OR9Q1: variants seen among roughly 807,000 people sequenced by gnomAD.
The protein encoded by OR9Q1 is olfactory receptor family 9 subfamily Q member 1.
For synonymous variants in OR9Q1, 153 were observed against 148.6 expected (o/e 1.03, Z -0.22); for missense variants, 374 against 378.8 (o/e 0.99, Z 0.11).
chr11:58,119,787 C>T (rs1302554693), intron 2 of OR9Q1, among the ~76,000 whole-genome samples: 2 of 151,880 alleles, frequency 1.3e-5, no homozygotes, highest in Middle Eastern at 6.8e-3. Context: ...TACCATATAC[C>T]CACCACACGG....
chr11:58,071,216 G>A (rs751320090), intron 2 of OR9Q1, among the ~76,000 whole-genome samples: 4 of 152,198 alleles, frequency 2.6e-5, no homozygotes, highest in Admixed American at 6.5e-5. Flanking sequence ...GGCTGGGCCT[G>A]TTGGCTCACG....
At chr11:58,094,559 A>T (rs1853713346) in intron 2 of OR9Q1, among the ~76,000 whole-genome samples, 1 of 152,168 alleles carries the variant, frequency 6.6e-6, no homozygotes, top group South Asian at 2.1e-4. Context: ...TGAACTTTCA[A>T]CCACTTTACT....
intron 2 of OR9Q1, among the ~76,000 whole-genome samples, chr11:58,138,871 C>T (rs888091707): frequency 6.6e-6 from 1 of 152,086 alleles, no homozygotes; most frequent in African/African-American, 2.4e-5. Flanking sequence ...GAACTTATTC[C>T]TCCTAAGTGA....
At chr11:58,163,169 C>T (rs776841298) in intron 2 of OR9Q1, among the ~76,000 whole-genome samples, 3 of 152,142 alleles carry the variant, frequency 2.0e-5, no homozygotes, top group Non-Finnish European at 2.9e-5. Context: ...AGGTTCAGCT[C>T]AAATGCCACT....
rs1854637447 is a variant in OR9Q1 at position 58,179,423 on chromosome 11, T to C, written c.-14-8T>C. ...TTCCTAACTTGCTTCCCATTCTACA[T>C]GTCTCAGGGACCACTGGTGTCATGG... On this transcript the variant is annotated splice_region_variant and splice_polypyrimidine_tract_variant and intron_variant, in intron 2 of 2. Transcript: ENST00000335397. 1 of 1,496,650 alleles carries C rather than the reference T, an allele frequency of 6.7e-7. No individual in the cohort carries two copies. Among genetic ancestry groups the C allele is most frequent in the Admixed American group, 2.1e-5 (1 of 46,978 alleles). 92.7% of individuals were successfully genotyped at this position (1,496,650 alleles called of 1,614,324 possible). A position where few individuals can be genotyped will look rare whatever the true frequency, so the allele number is the denominator to read the frequency against.
intron 2 of OR9Q1, among the ~76,000 whole-genome samples, chr11:58,101,420 A>G (rs1253442086): frequency 6.6e-6 from 1 of 152,104 alleles, no homozygotes; most frequent in African/African-American, 2.4e-5. Context: ...TTTGTTGGCT[A>G]TTTGTATATC....
At chr11:58,056,057 C>G (rs1244386461) in intron 2 of OR9Q1, 110 bp downstream of exon 2, 1 of 152,114 alleles carries the variant, frequency 6.6e-6, no homozygotes, top group African/African-American at 2.4e-5. Context: ...GATTTTTGCT[C>G]TACTTTGACT....
Position 58,073,938 on chromosome 11 carries a change from T to G in OR9Q1, c.-15+17991T>G, listed in dbSNP as rs966954556. On this transcript the variant is annotated intron_variant, in intron 2 of 2. Coordinates refer to ENST00000335397, the MANE Select transcript of OR9Q1 (RefSeq NM_001005212.4). ...TATTCCTGTGTTAGTTTGCTGAGAA[T>G]GATGTCTTCCAGCTTCATCCATGTC... 3.9e-5 allele frequency among the ~76,000 whole-genome samples: 6 copies of G among 152,338 alleles called. No homozygotes were observed. In the South Asian group the frequency reaches 8.3e-4, roughly 21 times the overall value.
At chr11:58,092,640 T>G (rs1590585176) in intron 2 of OR9Q1, among the ~76,000 whole-genome samples, 1 of 152,202 alleles carries the variant, frequency 6.6e-6, no homozygotes, top group Admixed American at 6.6e-5. Flanking sequence ...GCACTGCTTT[T>G]GCTTCTTTTT....
intron 2 of OR9Q1, among the ~76,000 whole-genome samples, chr11:58,138,996 A>G: frequency 6.6e-6 from 1 of 152,174 alleles, no homozygotes; most frequent in East Asian, 1.9e-4. Context: ...ACAATAGAGT[A>G]AGCTAAAGAA....
At position 58,111,631 on chromosome 11, in the gene OR9Q1, A is replaced by G. The variant is rs367851993; in HGVS notation, c.-15+55684A>G. On this transcript the variant is annotated intron_variant, in intron 2 of 2. Coordinates refer to ENST00000335397, the MANE Select transcript of OR9Q1 (RefSeq NM_001005212.4). The stretch of plus-strand genomic sequence containing the variant: ...CGTTGAAGGTATGTAGCCATCCTAC[A>G]TATTAACTCTCTACTGTGTTCAAAG... 2.8e-3 allele frequency among the ~76,000 whole-genome samples: 420 copies of G among 152,280 alleles called. 20 individuals are homozygous for G. In the South Asian group the frequency reaches 0.083, roughly 30 times the overall value.
chr11:58,157,093 A>C (rs976904399), intron 2 of OR9Q1, among the ~76,000 whole-genome samples: 1 of 152,136 alleles, frequency 6.6e-6, no homozygotes, highest in Admixed American at 6.6e-5. Flanking sequence ...GCCCCAACCA[A>C]CTGCTAGGCT....
At position 58,181,487 on chromosome 11, in the gene OR9Q1, C is replaced by T. The variant is rs546877687; in HGVS notation, c.*1110C>T. On this transcript the variant is annotated 3_prime_UTR_variant, in exon 3 of 3. Transcript: ENST00000335397. Reference sequence around the variant, plus strand: ...CCAAGGCACTGGAAGAGAGCAGGCCCCATCTATTAATTTTTTTTCATTTAA... The same window carrying T: ...CCAAGGCACTGGAAGAGAGCAGGCCTCATCTATTAATTTTTTTTCATTTAA... The T allele has an allele frequency of 2.4e-5, 4 of 166,066 alleles. No homozygotes were observed. In the South Asian group the frequency reaches 8.4e-4, roughly 35 times the overall value. 10.3% of individuals were successfully genotyped at this position (166,066 alleles called of 1,614,324 possible). A position where few individuals can be genotyped will look rare whatever the true frequency, so the allele number is the denominator to read the frequency against.
chr11:58,069,053 A>T (rs958940627), intron 2 of OR9Q1, among the ~76,000 whole-genome samples: 1 of 152,060 alleles, frequency 6.6e-6, no homozygotes, highest in Non-Finnish European at 1.5e-5. Flanking sequence ...CCTGTGAGTG[A>T]CAGTCCAGTG....
chr11:58,099,453 A>G (rs1028292255), intron 2 of OR9Q1, among the ~76,000 whole-genome samples: 6 of 151,904 alleles, frequency 3.9e-5, no homozygotes, highest in Non-Finnish European at 2.9e-5. Context: ...TCTTGTCATT[A>G]TGAAATGTTT....
At chr11:58,118,150 G>T (rs1590599714) in intron 2 of OR9Q1, 1 of 175,458 alleles carries the variant, frequency 5.7e-6, no homozygotes, top group East Asian at 1.5e-4. Flanking sequence ...GCAAAAACAA[G>T]AGGGAAAGGA....
chr11:58,071,386 G>C (rs1364201728), intron 2 of OR9Q1, among the ~76,000 whole-genome samples: 1 of 152,122 alleles, frequency 6.6e-6, no homozygotes, highest in Non-Finnish European at 1.5e-5. Flanking sequence ...TACTTCAGAG[G>C]CTGAGGCAGG....
At chr11:58,124,777 C>G (rs1449818775) in intron 2 of OR9Q1, 1 of 152,106 alleles carries the variant, frequency 6.6e-6, no homozygotes, top group Non-Finnish European at 1.5e-5. Flanking sequence ...GTTCTCTGAC[C>G]CCAGAGTTGG....
intron 1 of OR9Q1, among the ~76,000 whole-genome samples, chr11:58,054,145 TGAAAAAGAAATAGTA>T (rs1853304064): frequency 6.6e-6 from 1 of 152,200 alleles, no homozygotes. Context: ...TGAATAAAGC[TGAAAAAGAAATAGTA>T]GAAAAAGGAA....
Sources: allele counts gnomAD v4.1 joint callset (sites outside exome capture counted in the v4.1 genomes callset), GRCh38; gene constraint gnomAD v4.1.1; transcripts MANE v1.5; gene names NCBI Gene and HGNC (gene_info 2026-07-23, HGNC 2026-07-21).